The following MEGF11 variants were observed in gnomAD, a reference collection of about 807,000 sequenced individuals.
MEGF11 encodes the protein multiple epidermal growth factor-like domains protein 11.
MEGF11 carries 126 observed loss-of-function variants against 146.6 expected under a neutral mutation model. The observed-to-expected ratio is 0.86, with a 90% CI of 0.74 to 1.00. The LOEUF (loss-of-function observed/expected upper bound fraction) is 1.00. Among genes scored for constraint, MEGF11 ranks in the 50% least tolerant of loss-of-function variants. The pLI, the probability that MEGF11 is intolerant of heterozygous loss-of-function variation, is 0.00. For synonymous variants in MEGF11, 532 were observed against 583.4 expected, an observed-to-expected ratio of 0.91 and a Z score of 1.27; for missense variants, 1,509 against 1,521.2, an observed-to-expected ratio of 0.99 and a Z score of 0.13.
intron 9 of MEGF11, among the ~76,000 whole-genome samples, chr15:65,961,347 G>C (rs2141526908): frequency 6.6e-6 from 1 of 152,306 alleles, no homozygotes; most frequent in Admixed American, 6.5e-5. Flanking sequence ...GGAACCAAAA[G>C]CTGAACAATA....
At chr15:66,213,581 C>CTT (rs10572080) in intron 1 of MEGF11, among the ~76,000 whole-genome samples, 2 of 142,698 alleles carry the variant, frequency 1.4e-5, no homozygotes, top group Non-Finnish European at 3.1e-5. Flanking sequence ...CATCCAGAAA[C>CTT]TTTTTTTTTT....
chr15:66,127,641 T>C (rs538377224), intron 2 of MEGF11, among the ~76,000 whole-genome samples: 1 of 152,338 alleles, frequency 6.6e-6, no homozygotes, highest in East Asian at 1.9e-4. Context: ...TTTTTCCTGA[T>C]TGGGTCTCTG....
chr15:65,910,753 C>T (rs2078776290), intron 21 of MEGF11, among the ~76,000 whole-genome samples: 1 of 152,156 alleles, frequency 6.6e-6, no homozygotes, highest in Non-Finnish European at 1.5e-5. Flanking sequence ...CTCCATGGGA[C>T]AGACAGGGAA....
chr15:66,218,978 GCA>G (rs1491539254), intron 1 of MEGF11, among the ~76,000 whole-genome samples: 14 of 22,550 alleles, frequency 6.2e-4, no homozygotes, highest in East Asian at 1.3e-3. Flanking sequence ...ATATCCACAG[GCA>G]AAAAAAAAAA....
intron 1 of MEGF11, among the ~76,000 whole-genome samples, chr15:66,247,536 A>C (rs2092312007): frequency 6.6e-6 from 1 of 152,146 alleles, no homozygotes; most frequent in Non-Finnish European, 1.5e-5. Flanking sequence ...CTTCCAAAAG[A>C]ATCCTAATTT....
intron 1 of MEGF11, among the ~76,000 whole-genome samples, chr15:66,135,701 C>T (rs1028321847): frequency 6.6e-6 from 1 of 152,190 alleles, no homozygotes; most frequent in Non-Finnish European, 1.5e-5. Context: ...ATCAGGGCTG[C>T]CTCTGAAGGG....
At chr15:65,901,960 A>G (rs1391456430) in intron 24 of MEGF11, 2 of 151,428 alleles carry the variant, frequency 1.3e-5, no homozygotes, top group Admixed American at 6.6e-5. Flanking sequence ...CTTGATACCA[A>G]TCAAGATGTT....
At chr15:66,116,607 A>G (rs2087743178) in intron 4 of MEGF11, among the ~76,000 whole-genome samples, 1 of 152,244 alleles carries the variant, frequency 6.6e-6, no homozygotes. Context: ...AGGACCCTGT[A>G]AGGGTTTCAG....
At chr15:66,176,912 C>G (rs986029240) in intron 1 of MEGF11, among the ~76,000 whole-genome samples, 1 of 152,166 alleles carries the variant, frequency 6.6e-6, no homozygotes. Context: ...AGAGAAGTTC[C>G]CCACAGATCT....
chr15:66,036,802 G>A (rs550282594), intron 5 of MEGF11, among the ~76,000 whole-genome samples: 9 of 152,320 alleles, frequency 5.9e-5, no homozygotes, highest in Non-Finnish European at 8.8e-5. Context: ...CACTCCCAAA[G>A]GACCACTCAT....
chr15:66,243,786 G>T (rs1302496517), intron 1 of MEGF11, among the ~76,000 whole-genome samples: 1 of 152,138 alleles, frequency 6.6e-6, no homozygotes, highest in Non-Finnish European at 1.5e-5. Context: ...AAGGACAGGA[G>T]TGGGTTTTAA....
chr15:66,219,146 C>G (rs1486495512), intron 1 of MEGF11, among the ~76,000 whole-genome samples: 1 of 152,020 alleles, frequency 6.6e-6, no homozygotes, highest in African/African-American at 2.4e-5. Context: ...AGAAGAATAT[C>G]TCTTAGGGCA....
At chr15:65,914,411 T>G (rs1173023208) in intron 19 of MEGF11, among the ~76,000 whole-genome samples, 3 of 152,174 alleles carry the variant, frequency 2.0e-5, no homozygotes, top group African/African-American at 4.8e-5. Flanking sequence ...TGCTTCCTAA[T>G]TGTGTGGCTC....
chr15:66,226,235 C>T (rs1025607014), intron 1 of MEGF11, among the ~76,000 whole-genome samples: 3 of 151,564 alleles, frequency 2.0e-5, no homozygotes, highest in Admixed American at 2.0e-4. Context: ...TGCTTGTGTT[C>T]AAGTGACCCT....
At chr15:66,132,571 C>A (rs1318196018) in intron 1 of MEGF11, among the ~76,000 whole-genome samples, 1 of 152,090 alleles carries the variant, frequency 6.6e-6, no homozygotes, top group Non-Finnish European at 1.5e-5. Context: ...TTTTGTGGGC[C>A]CAGGGAAGTT....
At chr15:66,234,385 A>G (rs1597167057) in intron 1 of MEGF11, among the ~76,000 whole-genome samples, 2 of 152,376 alleles carry the variant, frequency 1.3e-5, no homozygotes, top group East Asian at 3.9e-4. Flanking sequence ...TGATATAGCC[A>G]AAGAGAATGT....
chr15:65,912,934 A>G (rs1734245773), intron 20 of MEGF11, among the ~76,000 whole-genome samples: 1 of 152,166 alleles, frequency 6.6e-6, no homozygotes, highest in Non-Finnish European at 1.5e-5. Flanking sequence ...CGTGCCATGG[A>G]GCTACCTGGA....
Position 66,091,308 on chromosome 15 carries a change from G to A in MEGF11, c.394+3094C>T, listed in dbSNP as rs560050345. Among the ~76,000 whole-genome samples, 7 of 152,084 alleles carry A rather than the reference G, an allele frequency of 4.6e-5. No homozygotes were observed. The South Asian group carries it at 1.2e-3, about 27-fold the overall frequency. On this transcript the variant is annotated intron_variant, in intron 5 of 25. Transcript: ENST00000395614. ...TTGAGGAAAGCTGGTAACAATTTGC[G>A]TCCCATGGCCGACTCCTCTATCTCC... is the stretch of plus-strand genomic sequence containing the variant.
At chr15:65,979,462 T>G (rs1234095410) in intron 7 of MEGF11, among the ~76,000 whole-genome samples, 3 of 152,204 alleles carry the variant, frequency 2.0e-5, no homozygotes, top group African/African-American at 7.2e-5. Context: ...ATATCCTGCT[T>G]CTGCTCAGCA....
Sources: allele counts gnomAD v4.1 joint callset (sites outside exome capture counted in the v4.1 genomes callset), GRCh38; gene constraint gnomAD v4.1.1; transcripts MANE v1.5; gene names NCBI Gene and HGNC (gene_info 2026-07-23, HGNC 2026-07-21).